PGBD2: variants seen among roughly 807,000 people sequenced by gnomAD.
PGBD2 encodes piggyBac transposable element derived 2.
In PGBD2, 6 loss-of-function variants were observed where a neutral mutation model predicts 8.1. The ratio of observed to expected loss-of-function variants is 0.74; its 90% CI spans 0.40 to 1.46. The LOEUF (loss-of-function observed/expected upper bound fraction) is 1.46. Ranked by LOEUF, PGBD2 falls within the 40% of genes most tolerant of loss-of-function variation. The pLI is 0.02. For missense variants in PGBD2, 802 were observed against 739.0 expected, an observed-to-expected ratio of 1.09 and a Z score of -0.99; for synonymous variants, 318 against 272.2, an observed-to-expected ratio of 1.17 and a Z score of -1.66.
At chr1:248,915,576 T>A (rs550829854) in intron 2 of PGBD2, among the ~76,000 whole-genome samples, 4 of 152,346 alleles carry the variant, frequency 2.6e-5, no homozygotes, top group Non-Finnish European at 5.9e-5. Context: ...ATGACATTTT[T>A]AACTCATGAT....
At chr1:248,894,277 G>GT in the PGBD2 span, among the ~76,000 whole-genome samples, 153 of 150,962 alleles carry the variant, frequency 1.0e-3, no homozygotes, top group African/African-American at 3.1e-3. Context: ...CTATTTTTGG[G>GT]TTTTTTTTGT....
At position 248,918,493 on chromosome 1, in the gene PGBD2, C is replaced by T. The variant is rs1662200926; in HGVS notation, c.*130C>T. On this transcript the variant is annotated 3_prime_UTR_variant, in exon 3 of 3. Transcript: ENST00000329291. ...AATGACTTGATTTTCTATTTTCTCCCTACCCACAATACAGTTATCTTTTTT... is the reference window on the plus strand; with the variant it reads ...AATGACTTGATTTTCTATTTTCTCCTTACCCACAATACAGTTATCTTTTTT... The T allele has an allele frequency of 2.3e-6, 2 of 855,720 alleles. No individual in the cohort carries two copies. Among genetic ancestry groups the T allele is most frequent in the Non-Finnish European group, 3.5e-6 (2 of 572,300 alleles). 53.0% of individuals were successfully genotyped at this position (855,720 alleles called of 1,614,324 possible). A position where few individuals can be genotyped will look rare whatever the true frequency, so the allele number is the denominator to read the frequency against.
chr1:248,923,625 G>A (rs992110163), downstream of PGBD2, among the ~76,000 whole-genome samples: 1 of 152,204 alleles, frequency 6.6e-6, no homozygotes, highest in Non-Finnish European at 1.5e-5. Flanking sequence ...AAACACTCTA[G>A]TGTTCTAGCA....
At chr1:248,890,725 C>T in the PGBD2 span, among the ~76,000 whole-genome samples, 7 of 150,994 alleles carry the variant, frequency 4.6e-5, no homozygotes, top group South Asian at 2.1e-4. Context: ...CACCCAGCTA[C>T]GCTACAGACC....
chr1:248,873,712 C>T, the PGBD2 span, among the ~76,000 whole-genome samples: 208 of 152,340 alleles, frequency 1.4e-3, no homozygotes, highest in African/African-American at 4.9e-3. Flanking sequence ...CGGCTTTCTC[C>T]AGAGCTCCGC....
chr1:248,872,939 G>T, the PGBD2 span, among the ~76,000 whole-genome samples: 1 of 152,198 alleles, frequency 6.6e-6, no homozygotes, highest in African/African-American at 2.4e-5. Flanking sequence ...CTTTAGTGAG[G>T]CCTTACTTAA....
At chr1:248,922,771 G>T (rs1418515493), downstream of PGBD2, among the ~76,000 whole-genome samples, 1 of 152,164 alleles carries the variant, frequency 6.6e-6, no homozygotes, top group African/African-American at 2.4e-5. Flanking sequence ...ATTGATTTGC[G>T]TGTGTTGAAC....
At chr1:248,914,114 C>T (rs1327401231) in intron 2 of PGBD2, among the ~76,000 whole-genome samples, 1 of 152,160 alleles carries the variant, frequency 6.6e-6, no homozygotes, top group Non-Finnish European at 1.5e-5. Flanking sequence ...GATAGAAAAC[C>T]ATGACTTCAC....
downstream of PGBD2, chr1:248,919,822 T>C (rs1357975769): frequency 1.2e-5 from 2 of 166,482 alleles, no homozygotes; most frequent in African/African-American, 4.8e-5. Flanking sequence ...TTCACTTGCA[T>C]TTTTCTGTTG....
At chr1:248,880,805 G>A in the PGBD2 span, among the ~76,000 whole-genome samples, 23 of 152,020 alleles carry the variant, frequency 1.5e-4, no homozygotes, top group South Asian at 4.0e-3. Context: ...GATGACCATC[G>A]GACTCCTAAA....
At position 248,917,063 on chromosome 1, in the gene PGBD2, A is replaced by C; in HGVS notation, c.479A>C (p.Glu160Ala). ...DEGTINFIVN[E>A]TNRYAWQKNV... ...GGAACAATTAATTTCATTGTTAATG[A>C]AACCAATCGTTATGCTTGGCAGAAA... Residue 160 changes from glutamate to alanine, a missense_variant, in exon 3 of 3, where the codon GAA becomes GCA. Coordinates refer to ENST00000329291, the MANE Select transcript of PGBD2 (RefSeq NM_170725.3). The C allele has an allele frequency of 6.2e-7, 1 of 1,613,960 alleles. No homozygotes were observed. The highest frequency in any genetic ancestry group is 8.5e-7 in the Non-Finnish European group (1 of 1,179,990).
intron 1 of PGBD2, among the ~76,000 whole-genome samples, chr1:248,908,466 C>A (rs1661739103): frequency 6.6e-6 from 1 of 151,720 alleles, no homozygotes; most frequent in East Asian, 2.0e-4. Context: ...AGCTTTCTCC[C>A]CTGCCCTACC....
At position 248,916,468 on chromosome 1, in the gene PGBD2, C is replaced by T. The variant is rs554180988; in HGVS notation, c.18-134C>T. 1.6e-4 allele frequency: 109 copies of T among 686,626 alleles called. 1 individual carries two copies. The South Asian group carries it at 1.7e-3, about 11-fold the overall frequency. The allele number at this position is 686,626 out of a possible 1,614,324, so 42.5% of individuals were successfully genotyped here. On this transcript the variant is annotated intron_variant, in intron 2 of 2. Transcript: ENST00000329291. Reference sequence around the variant, plus strand: ...AGCTGGAAAATTTACTTACTAAATGCGGTGCCTTGTGATGCCAGATCTGTG... The same window carrying T: ...AGCTGGAAAATTTACTTACTAAATGTGGTGCCTTGTGATGCCAGATCTGTG...
chr1:248,914,131 C>T (rs1662009554), intron 2 of PGBD2, among the ~76,000 whole-genome samples: 1 of 152,216 alleles, frequency 6.6e-6, no homozygotes, highest in South Asian at 2.1e-4. Context: ...TCACTTTCCT[C>T]ATCTTTCAAG....
chr1:248,891,322 G>A, the PGBD2 span, among the ~76,000 whole-genome samples: 1 of 152,170 alleles, frequency 6.6e-6, no homozygotes, highest in Non-Finnish European at 1.5e-5. Flanking sequence ...AGACAACAGA[G>A]GGAACTCGGT....
chr1:248,910,187 CAT>C (rs771378134), intron 1 of PGBD2, among the ~76,000 whole-genome samples: 1 of 152,290 alleles, frequency 6.6e-6, no homozygotes, highest in Non-Finnish European at 1.5e-5. Flanking sequence ...CTTAATCAAA[CAT>C]AATTTCTGCA....
At chr1:248,887,213 C>T in the PGBD2 span, among the ~76,000 whole-genome samples, 2 of 152,166 alleles carry the variant, frequency 1.3e-5, no homozygotes, top group Admixed American at 6.5e-5. Flanking sequence ...TGATACAACG[C>T]AATTGACTAA....
At chr1:248,873,919 G>C in the PGBD2 span, among the ~76,000 whole-genome samples, 2 of 152,306 alleles carry the variant, frequency 1.3e-5, no homozygotes, top group South Asian at 2.1e-4. Context: ...CGGGCTTTCT[G>C]GTCTCCGGAT....
rs1318092871 is a variant in PGBD2 at position 248,918,605 on chromosome 1, A to G, written c.*242A>G. On this transcript the variant is annotated 3_prime_UTR_variant, in exon 3 of 3. Coordinates refer to ENST00000329291, the MANE Select transcript of PGBD2 (RefSeq NM_170725.3). ...TTTTTGAACTTATTTATTTAAAGTTATGGATCACTTTTTATTCAAATAAAA... is the reference window on the plus strand; with the variant it reads ...TTTTTGAACTTATTTATTTAAAGTTGTGGATCACTTTTTATTCAAATAAAA... 9.6e-6 allele frequency: 2 copies of G among 209,380 alleles called. No homozygotes were observed. Among genetic ancestry groups the G allele is most frequent in the Non-Finnish European group, 2.0e-5 (2 of 97,876 alleles). The allele number at this position is 209,380 out of a possible 1,614,324, so 13.0% of individuals were successfully genotyped here. A position where few individuals can be genotyped will look rare whatever the true frequency, so the allele number is the denominator to read the frequency against.
Sources: allele counts gnomAD v4.1 joint callset (sites outside exome capture counted in the v4.1 genomes callset), GRCh38; gene constraint gnomAD v4.1.1; transcripts MANE v1.5; gene names NCBI Gene and HGNC (gene_info 2026-07-23, HGNC 2026-07-21).